Variants in PTCHD4 observed in about 807,000 individuals in gnomAD.
PTCHD4 encodes the protein patched domain containing 4.
A neutral mutation model predicts 58.1 loss-of-function variants in PTCHD4; 33 were observed. The ratio of observed to expected loss-of-function variants is 0.57; its 90% confidence interval spans 0.43 to 0.76. PTCHD4 has a LOEUF of 0.76. PTCHD4 is among the 30% of genes least tolerant of loss of function. PTCHD4 has a pLI of 0.00. For synonymous variants in PTCHD4, 478 were observed against 409.6 expected, an observed-to-expected ratio of 1.17 and a Z score of -2.02; for missense variants, 1,058 against 1,027.1, an observed-to-expected ratio of 1.03 and a Z score of -0.41.
At chr6:48,045,024 C>A (rs1763984097) in intron 3 of PTCHD4, among the ~76,000 whole-genome samples, 1 of 151,820 alleles carries the variant, frequency 6.6e-6, no homozygotes, top group South Asian at 2.1e-4. Context: ...ACAACTGCCA[C>A]CTATGCCTCC....
Position 47,865,678 on chromosome 6 carries a change from G to A in PTCHD4, c.*12625C>T, listed in dbSNP as rs915753114. On this transcript the variant is annotated 3_prime_UTR_variant, in exon 5 of 5. Transcript: ENST00000339488. ...ATTTCAGGCCAATATTACCTTCATT[G>A]CTGATGACCACAACAGCCTCCTAAC... Among the ~76,000 whole-genome samples the A allele has an allele frequency of 1.5e-4, 23 of 151,624 alleles. No individual in the cohort carries two copies. Among genetic ancestry groups the A allele is most frequent in the Non-Finnish European group, 1.3e-4 (9 of 67,834 alleles).
chr6:48,040,522 G>T lies in PTCHD4; in HGVS notation c.417+27708C>A, dbSNP rs372603930. On this transcript the variant is annotated intron_variant, in intron 3 of 4. Coordinates refer to ENST00000339488, the MANE Select transcript of PTCHD4 (RefSeq NM_001384253.1). Reference sequence around the variant, plus strand: ...CTATTTCCTAGCTCCCACAATGAGGGTTTAAAATCATCAGTTGTAAATTTG... The same window carrying T: ...CTATTTCCTAGCTCCCACAATGAGGTTTTAAAATCATCAGTTGTAAATTTG... Among the ~76,000 whole-genome samples the T allele has an allele frequency of 1.1e-4, 16 of 152,064 alleles. No homozygotes were observed. In the East Asian group the frequency reaches 2.7e-3, roughly 26 times the overall value.
chr6:47,950,090 C>T (rs979861271), intron 4 of PTCHD4, among the ~76,000 whole-genome samples: 1 of 144,096 alleles, frequency 6.9e-6, no homozygotes, highest in Admixed American at 7.2e-5. Context: ...TCCATGTGTT[C>T]TCATTGTTCA....
intron 4 of PTCHD4, among the ~76,000 whole-genome samples, chr6:47,942,859 T>C (rs749706976): frequency 6.6e-6 from 1 of 152,214 alleles, no homozygotes. Context: ...TTCTAAGTGT[T>C]TCACTCATCA....
At chr6:48,096,347 C>A (rs193282239) in intron 1 of PTCHD4, among the ~76,000 whole-genome samples, 2 of 152,058 alleles carry the variant, frequency 1.3e-5, no homozygotes, top group African/African-American at 4.8e-5. Flanking sequence ...CGTGGTGGCT[C>A]ACAACTGTAA....
At position 47,894,476 on chromosome 6, in the gene PTCHD4, A is replaced by G. The variant is rs373084088; in HGVS notation, c.899-14540T>C. ...ATAACCTTCAACAAGAAACTGCTCC[A>G]TGTAGTCTTCCTCATATGCAAGACA... On this transcript the variant is annotated intron_variant, in intron 4 of 4. Transcript: ENST00000339488. Among the ~76,000 whole-genome samples, 18 of 152,336 alleles carry G rather than the reference A, an allele frequency of 1.2e-4. No homozygotes were observed. In the East Asian group the frequency reaches 2.7e-3, roughly 23 times the overall value.
chr6:47,922,018 G>A (rs373647631), intron 4 of PTCHD4, among the ~76,000 whole-genome samples: 1 of 151,478 alleles, frequency 6.6e-6, no homozygotes, highest in Non-Finnish European at 1.5e-5. Context: ...GCATGCCTGA[G>A]CCCCAGTTAC....
intron 1 of PTCHD4, among the ~76,000 whole-genome samples, chr6:48,085,554 T>C (rs1310825246): frequency 6.6e-6 from 1 of 152,224 alleles, no homozygotes; most frequent in Non-Finnish European, 1.5e-5. Context: ...ACTATTGATA[T>C]ACTCACAGTG....
intron 3 of PTCHD4, among the ~76,000 whole-genome samples, chr6:48,036,973 T>C (rs1208301850): frequency 6.6e-6 from 1 of 152,134 alleles, no homozygotes; most frequent in African/African-American, 2.4e-5. Context: ...CAACTTGTTG[T>C]TCTTCAGCAA....
intron 4 of PTCHD4, among the ~76,000 whole-genome samples, chr6:47,894,496 A>G (rs1490158524): frequency 6.6e-6 from 1 of 152,202 alleles, no homozygotes; most frequent in Non-Finnish European, 1.5e-5. Flanking sequence ...CCTCATATGC[A>G]AGACAAAGAA....
At chr6:48,072,392 C>T (rs1389489433) in intron 1 of PTCHD4, among the ~76,000 whole-genome samples, 2 of 152,178 alleles carry the variant, frequency 1.3e-5, no homozygotes, top group African/African-American at 4.8e-5. Context: ...GGAATTCTTT[C>T]AGTTGCCTCC....
intron 4 of PTCHD4, among the ~76,000 whole-genome samples, chr6:48,008,312 A>C (rs536327456): frequency 6.6e-6 from 1 of 152,192 alleles, no homozygotes; most frequent in South Asian, 2.1e-4. Context: ...ATTTTGCTCG[A>C]AGTAGATTTT....
At chr6:48,054,394 G>A (rs1458532269) in intron 3 of PTCHD4, among the ~76,000 whole-genome samples, 1 of 152,104 alleles carries the variant, frequency 6.6e-6, no homozygotes, top group Non-Finnish European at 1.5e-5. Flanking sequence ...CCTGGAACTT[G>A]TTGACCTATA....
At position 47,879,762 on chromosome 6, in the gene PTCHD4, ATGTT is replaced by A; in HGVS notation, c.1069_1072del (p.Asn357Ter). 6.2e-7 allele frequency: 1 copy of A among 1,613,708 alleles called. No homozygotes were observed. Among genetic ancestry groups the A allele is most frequent in the Admixed American group, 1.7e-5 (1 of 59,928 alleles). ...TTGACAGAAGACCTTCACAGCCTCT[ATGTT>A]TGTGAATGGGCTGGCACCCATGCCA... On this transcript the variant is annotated frameshift_variant, in exon 5 of 5. Coordinates refer to ENST00000339488, the MANE Select transcript of PTCHD4 (RefSeq NM_001384253.1). LOFTEE classifies it high-confidence loss of function.
At chr6:47,935,968 C>G (rs1765985178) in intron 4 of PTCHD4, among the ~76,000 whole-genome samples, 1 of 152,122 alleles carries the variant, frequency 6.6e-6, no homozygotes, top group Non-Finnish European at 1.5e-5. Context: ...GACATTTAAG[C>G]AGACGAGAGA....
chr6:48,050,078 G>T (rs1764176193), intron 3 of PTCHD4, among the ~76,000 whole-genome samples: 3 of 151,922 alleles, frequency 2.0e-5, no homozygotes, highest in African/African-American at 7.3e-5. Flanking sequence ...ATTATGTAAG[G>T]TCATTCTACA....
At chr6:48,007,930 G>GCA (rs1491031827) in intron 4 of PTCHD4, among the ~76,000 whole-genome samples, 4 of 40,976 alleles carry the variant, frequency 9.8e-5, no homozygotes, top group Admixed American at 2.9e-4. Flanking sequence ...GAATATGTGC[G>GCA]CGCGCGCACA....
intron 4 of PTCHD4, among the ~76,000 whole-genome samples, chr6:47,884,264 T>C (rs1452483688): frequency 1.3e-5 from 2 of 152,174 alleles, no homozygotes; most frequent in Non-Finnish European, 2.9e-5. Context: ...CAATCAACCA[T>C]GGAGAGTCTG....
chr6:48,067,809 T>C (rs892270730), intron 3 of PTCHD4, among the ~76,000 whole-genome samples: 2 of 152,176 alleles, frequency 1.3e-5, no homozygotes, highest in African/African-American at 4.8e-5. Context: ...AAATAACTTT[T>C]GTTTTCATTT....
Sources: allele counts gnomAD v4.1 joint callset (sites outside exome capture counted in the v4.1 genomes callset), GRCh38; gene constraint gnomAD v4.1.1; transcripts MANE v1.5; gene names NCBI Gene and HGNC (gene_info 2026-07-23, HGNC 2026-07-21).